Variants in TSHZ3 observed in about 807,000 individuals in gnomAD.
TSHZ3 encodes teashirt homolog 3.
TSHZ3 carries 10 observed loss-of-function variants against 64.5 expected under a neutral mutation model. The observed-to-expected ratio is 0.16, with a 90% CI of 0.10 to 0.26. TSHZ3 has a LOEUF of 0.26. Ranked by LOEUF, TSHZ3 falls within the 10% of genes least tolerant of loss-of-function variation. The probability of loss-of-function intolerance (pLI) is 1.00; values close to 1 mark genes in which losing one functional copy is unlikely to be tolerated. For missense variants in TSHZ3, 1,242 were observed against 1,421.7 expected, an observed-to-expected ratio of 0.87 and a Z score of 2.03; for synonymous variants, 608 against 593.1, an observed-to-expected ratio of 1.03 and a Z score of -0.36.
chr19:31,349,104 G>T, intron 1 of TSHZ3, 76 bp downstream of exon 1: 3 of 1,497,260 alleles, frequency 2.0e-6, no homozygotes, highest in African/African-American at 1.4e-5. Flanking sequence ...GAGGAGCGGG[G>T]TCGCGCCCGC....
At chr19:31,214,350 G>A (rs115123060) in intron 4 of TSHZ3, among the ~76,000 whole-genome samples, 1 of 152,174 alleles carries the variant, frequency 6.6e-6, no homozygotes, top group Non-Finnish European at 1.5e-5. Context: ...GAGGGCCTGC[G>A]CCAGCCAAGA....
intron 1 of TSHZ3, among the ~76,000 whole-genome samples, chr19:31,286,477 T>C (rs1219177791): frequency 6.6e-6 from 1 of 152,188 alleles, no homozygotes; most frequent in Non-Finnish European, 1.5e-5. Context: ...GTCCTCTCAA[T>C]GGTCAAGGAA....
intron 1 of TSHZ3, among the ~76,000 whole-genome samples, chr19:31,260,215 C>T (rs1975967181): frequency 6.6e-6 from 1 of 152,132 alleles, no homozygotes; most frequent in South Asian, 2.1e-4. Context: ...TTCTACTCCC[C>T]TCTGCATCCT....
At chr19:31,218,025 C>T (rs1182956446) in intron 4 of TSHZ3, among the ~76,000 whole-genome samples, 2 of 152,162 alleles carry the variant, frequency 1.3e-5, no homozygotes, top group African/African-American at 2.4e-5. Context: ...AGGCACATTC[C>T]GTGAAAGAGA....
intron 1 of TSHZ3, chr19:31,305,728 C>A (rs12608742): frequency 6.6e-6 from 1 of 152,070 alleles, no homozygotes; most frequent in Non-Finnish European, 1.5e-5. Context: ...AAATGGGACC[C>A]GCATCTCCTG....
intron 5 of TSHZ3, among the ~76,000 whole-genome samples, chr19:31,178,974 T>C (rs1026709443): frequency 2.0e-5 from 3 of 151,998 alleles, no homozygotes; most frequent in Non-Finnish European, 4.4e-5. Flanking sequence ...GGAAATATAG[T>C]AGTTGAAGAC....
intron 1 of TSHZ3, among the ~76,000 whole-genome samples, chr19:31,342,130 T>C (rs1917456018): frequency 6.6e-6 from 1 of 152,242 alleles, no homozygotes. Context: ...TCAAAGTGAT[T>C]ATAGCAATTA....
intron 1 of TSHZ3, among the ~76,000 whole-genome samples, chr19:31,331,856 C>T (rs1028572334): frequency 1.3e-5 from 2 of 152,156 alleles, no homozygotes; most frequent in Non-Finnish European, 1.5e-5. Flanking sequence ...AAGGGCAGAG[C>T]GGCTGGGCCC....
chr19:31,256,091 C>T (rs1207919658), intron 1 of TSHZ3, among the ~76,000 whole-genome samples: 1 of 152,140 alleles, frequency 6.6e-6, no homozygotes, highest in Non-Finnish European at 1.5e-5. Context: ...CCTTGGTCCC[C>T]ATGTTCACCC....
intron 5 of TSHZ3, among the ~76,000 whole-genome samples, chr19:31,169,369 A>C (rs1044496332): frequency 4.6e-5 from 7 of 152,202 alleles, no homozygotes; most frequent in African/African-American, 1.7e-4. Flanking sequence ...AAGCAACTCA[A>C]GTGTTCATTG....
At chr19:31,169,747 G>C (rs538466492) in intron 5 of TSHZ3, among the ~76,000 whole-genome samples, 1 of 152,142 alleles carries the variant, frequency 6.6e-6, no homozygotes, top group Non-Finnish European at 1.5e-5. Context: ...ATGCCAGTAA[G>C]GGTGAGCCCT....
Position 31,275,797 on chromosome 19 carries a change from A to G in TSHZ3, c.*750T>C, listed in dbSNP as rs1453826964. 6.6e-6 allele frequency: 1 copy of G among 152,538 alleles called. No individual in the cohort carries two copies. The highest frequency in any genetic ancestry group is 1.5e-5 in the Non-Finnish European group (1 of 68,032). 9.4% of individuals were successfully genotyped at this position (152,538 alleles called of 1,614,324 possible). On this transcript the variant is annotated 3_prime_UTR_variant, in exon 2 of 2. Transcript: ENST00000240587. ...TGCATGTAAAAAACAAAACCCATAG[A>G]CCTTAAAAAAAAGAAAAAAAGAAAT...
chr19:31,340,780 C>T (rs1339433630), intron 1 of TSHZ3, among the ~76,000 whole-genome samples: 3 of 152,208 alleles, frequency 2.0e-5, no homozygotes, highest in Non-Finnish European at 2.9e-5. Flanking sequence ...TCCTCCAGCC[C>T]CTGCTTACCT....
At chr19:31,239,061 T>C (rs1975657268) in intron 3 of TSHZ3, among the ~76,000 whole-genome samples, 1 of 152,154 alleles carries the variant, frequency 6.6e-6, no homozygotes, top group Non-Finnish European at 1.5e-5. Context: ...GCTACTAAAA[T>C]GTGTTTTTTA....
rs1413172207 is a variant in TSHZ3 at position 31,279,362 on chromosome 19, T to C, written c.431A>G (p.Glu144Gly). The C allele has an allele frequency of 6.2e-7, 1 of 1,614,110 alleles. No individual in the cohort carries two copies. Among genetic ancestry groups the C allele is most frequent in the Non-Finnish European group, 8.5e-7 (1 of 1,180,000 alleles). Residue 144 changes from glutamate (E) to glycine (G), a missense_variant, in exon 2 of 2, where the codon GAG becomes GGG. By Grantham distance (98) the Glu-to-Gly change is moderately conservative (BLOSUM62 -2). Coordinates refer to ENST00000240587, the MANE Select transcript of TSHZ3 (RefSeq NM_020856.4). This position sits in a 1 kb window ranked among gnomAD's most constrained non-coding sequence, Gnocchi z 6.4. Reference sequence around the variant, plus strand: ...GCTGCTGCTGCTGCCGTTGTTCTTCTCCGAGGAGGGCTGGTGCAGGTTGAG... The same window carrying C: ...GCTGCTGCTGCTGCCGTTGTTCTTCCCCGAGGAGGGCTGGTGCAGGTTGAG... ...LNLNLHQPSS[E>G]KNNGSSSSSS...
In TSHZ3 at chr19:31,174,358, G is replaced by A. The variant is rs80103598; in HGVS notation, n.810-17941C>T. Among the ~76,000 whole-genome samples, 986 of 152,328 alleles carry A rather than the reference G, an allele frequency of 6.5e-3. 22 individuals are homozygous for A. The East Asian group carries it at 0.071, about 11-fold the overall frequency. ...AGAAGGAGCTACCTGTTCCTCCTAG[G>A]AGGTCAGTCTTTTTGTTGTATTCAG... On this transcript the variant is annotated intron_variant and non_coding_transcript_variant, in intron 5 of 6. Coordinates refer to the TSHZ3 transcript ENST00000651361.
intron 4 of TSHZ3, among the ~76,000 whole-genome samples, chr19:31,225,249 G>C (rs1289578178): frequency 6.6e-6 from 1 of 152,224 alleles, no homozygotes; most frequent in Non-Finnish European, 1.5e-5. Flanking sequence ...CCCAGAGTCA[G>C]CCTCAGACGG....
At chr19:31,210,477 C>T (rs1453490012) in intron 4 of TSHZ3, among the ~76,000 whole-genome samples, 1 of 152,072 alleles carries the variant, frequency 6.6e-6, no homozygotes, top group Non-Finnish European at 1.5e-5. Context: ...AAAAATGAAG[C>T]CTCTGATCTC....
At chr19:31,261,123 A>G (rs1358361624) in intron 1 of TSHZ3, among the ~76,000 whole-genome samples, 2 of 152,132 alleles carry the variant, frequency 1.3e-5, no homozygotes, top group Non-Finnish European at 2.9e-5. Context: ...CCATCAGTAC[A>G]ATGGGTGCTC....
Sources: allele counts gnomAD v4.1 joint callset (sites outside exome capture counted in the v4.1 genomes callset), GRCh38; gene constraint gnomAD v4.1.1; non-coding constraint Gnocchi (gnomAD v3.1); transcripts MANE v1.5; gene names NCBI Gene and HGNC (gene_info 2026-07-23, HGNC 2026-07-21).